Variants in PSPC1 observed in about 807,000 individuals in gnomAD.
The protein encoded by PSPC1 is paraspeckle protein 1.
A neutral mutation model predicts 51.6 loss-of-function variants in PSPC1; 14 were observed. That is an observed-to-expected ratio of 0.27 (90% CI 0.18 to 0.42). The LOEUF (loss-of-function observed/expected upper bound fraction) is 0.42. Among genes scored for constraint, PSPC1 ranks in the 10% least tolerant of loss-of-function variants. The probability of loss-of-function intolerance (pLI) is 1.00; values close to 1 mark genes in which losing one functional copy is unlikely to be tolerated. For missense variants in PSPC1, 406 were observed against 701.1 expected, an observed-to-expected ratio of 0.58 and a Z score of 4.75; for synonymous variants, 193 against 231.9, an observed-to-expected ratio of 0.83 and a Z score of 1.53.
rs148592977 is a variant in PSPC1 at position 19,739,110 on chromosome 13, T to C, written c.1052+2455A>G. On this transcript the variant is annotated intron_variant, in intron 5 of 8. Transcript: ENST00000338910. ...AGAACTACTAGCCCATATGCCTAACTAGCTTACAGAATTTATGTATGGTTC... is the reference window on the plus strand; with the variant it reads ...AGAACTACTAGCCCATATGCCTAACCAGCTTACAGAATTTATGTATGGTTC... 8.6e-3 allele frequency among the ~76,000 whole-genome samples: 1,316 copies of C among 152,268 alleles called. 23 individuals carry two copies. The highest frequency in any genetic ancestry group is 0.03 in the African/African-American group (1,259 of 41,548).
downstream of PSPC1, among the ~76,000 whole-genome samples, chr13:19,701,059 T>C (rs1879847656): frequency 6.6e-6 from 1 of 152,272 alleles, no homozygotes; most frequent in African/African-American, 2.4e-5. Context: ...GAACAAGGAT[T>C]TTCTTGATGC....
At chr13:19,732,556 T>G (rs2137949455) in intron 5 of PSPC1, among the ~76,000 whole-genome samples, 1 of 152,236 alleles carries the variant, frequency 6.6e-6, no homozygotes, top group Non-Finnish European at 1.5e-5. Flanking sequence ...GTAATAAAGG[T>G]TTCACATAAC....
chr13:19,722,530 A>G (rs1208669451), intron 6 of PSPC1, among the ~76,000 whole-genome samples: 3 of 152,036 alleles, frequency 2.0e-5, no homozygotes, highest in Non-Finnish European at 4.4e-5. Flanking sequence ...GTAGTGGCTC[A>G]CTCCTGTAAT....
At chr13:19,775,110 G>A (rs921785986) in intron 1 of PSPC1, among the ~76,000 whole-genome samples, 12 of 151,942 alleles carry the variant, frequency 7.9e-5, no homozygotes, top group South Asian at 2.1e-4. Context: ...AGGCCGAGGC[G>A]GGCAGATCAC....
At chr13:19,739,179 G>C (rs1014298895) in intron 5 of PSPC1, among the ~76,000 whole-genome samples, 2 of 152,096 alleles carry the variant, frequency 1.3e-5, no homozygotes, top group Non-Finnish European at 2.9e-5. Flanking sequence ...CTATTTTCCA[G>C]TTATTTAGGT....
chr13:19,782,734 C>T lies in PSPC1; in HGVS notation c.24G>A (p.Lys8=), dbSNP rs201078962. The change falls in exon 1 of 9, where the codon AAG becomes AAA. Residue 8 remains lysine (K), a synonymous_variant. Coordinates refer to ENST00000338910, the MANE Select transcript of PSPC1 (RefSeq NM_001354909.2). This position sits in a 1 kb window ranked among gnomAD's most constrained non-coding sequence, Gnocchi z 4.5. The part of the protein sequence containing the change: MMLRGNL[K]QVRIEKNPAR... ...CCGGGTTTTTCTCAATGCGCACTTG[C>T]TTCAGGTTTCCTCTTAACATCATCT... 1.5e-4 allele frequency: 228 copies of T among 1,566,686 alleles called. 1 individual carries two copies. In the Middle Eastern group the frequency reaches 0.011, roughly 76 times the overall value.
chr13:19,733,503 G>A (rs1427154720), intron 5 of PSPC1, among the ~76,000 whole-genome samples: 2 of 152,086 alleles, frequency 1.3e-5, no homozygotes, highest in African/African-American at 4.8e-5. Context: ...ACTCATGTCT[G>A]TAATCCTAGC....
At chr13:19,711,335 C>T (rs1593590323) in intron 6 of PSPC1, among the ~76,000 whole-genome samples, 1 of 151,914 alleles carries the variant, frequency 6.6e-6, no homozygotes, top group Non-Finnish European at 1.5e-5. Flanking sequence ...GCCTGGCAAA[C>T]ATGGTGAAAC....
chr13:19,754,453 C>CTT (rs67371116), intron 3 of PSPC1, among the ~76,000 whole-genome samples: 7 of 122,552 alleles, frequency 5.7e-5, no homozygotes, highest in African/African-American at 1.4e-4. Flanking sequence ...TAACTAACTC[C>CTT]TTTTTTTTTT....
chr13:19,725,986 CA>C, intron 6 of PSPC1, among the ~76,000 whole-genome samples: 1 of 152,022 alleles, frequency 6.6e-6, no homozygotes, highest in East Asian at 1.9e-4. Context: ...GAGACCCAAT[CA>C]AAAGAAAGAA....
chr13:19,685,067 T>A (rs1877713790), intron 6 of PSPC1, among the ~76,000 whole-genome samples: 2 of 152,184 alleles, frequency 1.3e-5, no homozygotes, highest in Non-Finnish European at 1.5e-5. Flanking sequence ...ATAGACCAGG[T>A]TAATAGGTAA....
rs148915387 is a variant in PSPC1, at chr13:19,741,653, T to C, written c.968-4A>G. 2.4e-5 allele frequency: 38 copies of C among 1,559,024 alleles called. No individual in the cohort carries two copies. The East Asian group carries it at 7.7e-4, about 31-fold the overall frequency. ...TCTTCTTGACGCCTCATTAGATCTA[T>C]AAAATAATGACTGCACATTAATATT... is the stretch of plus-strand genomic sequence containing the variant. On this transcript the variant is annotated splice_region_variant and splice_polypyrimidine_tract_variant and intron_variant, in intron 4 of 8. Coordinates refer to ENST00000338910, the MANE Select transcript of PSPC1 (RefSeq NM_001354909.2).
chr13:19,674,076 T>C (rs1876342300), downstream of PSPC1, among the ~76,000 whole-genome samples: 1 of 152,220 alleles, frequency 6.6e-6, no homozygotes, highest in South Asian at 2.1e-4. Flanking sequence ...TCACCACAGA[T>C]GGGATGCATG....
At chr13:19,678,125 T>C in intron 6 of PSPC1, 1 of 282,530 alleles carries the variant, frequency 3.5e-6, no homozygotes, top group East Asian at 1.1e-4. Flanking sequence ...ATTAAGAATT[T>C]AATTGGCTAA....
At position 19,768,057 on chromosome 13, in the gene PSPC1, T is replaced by TA. The variant is rs1303234530; in HGVS notation, c.674+4184dup. 5.3e-5 allele frequency among the ~76,000 whole-genome samples: 8 copies of TA among 150,412 alleles called. No individual in the cohort carries two copies. In the South Asian group the frequency reaches 1.1e-3, roughly 20 times the overall value. On this transcript the variant is annotated intron_variant, in intron 2 of 8. Transcript: ENST00000338910. Reference sequence around the variant, plus strand: ...ACATAGCAAGACCTCATATCTACTTTAAAAAAAAATTCAAAAAATTAGCCA... The same window carrying TA: ...ACATAGCAAGACCTCATATCTACTTTAAAAAAAAAATTCAAAAAATTAGCCA...
At chr13:19,710,324 G>C (rs988336728) in intron 6 of PSPC1, among the ~76,000 whole-genome samples, 3 of 152,184 alleles carry the variant, frequency 2.0e-5, no homozygotes, top group African/African-American at 4.8e-5. Flanking sequence ...CCTAAAAGCT[G>C]TTCATTTACC....
intron 6 of PSPC1, among the ~76,000 whole-genome samples, chr13:19,696,118 C>A (rs1879196164): frequency 6.6e-6 from 1 of 151,970 alleles, no homozygotes; most frequent in African/African-American, 2.4e-5. Context: ...AAACCAAACC[C>A]ATTTATGTTC....
At chr13:19,738,630 G>GGTTTAGAGAATGACAA (rs1369193079) in intron 5 of PSPC1, among the ~76,000 whole-genome samples, 1 of 152,134 alleles carries the variant, frequency 6.6e-6, no homozygotes, top group Admixed American at 6.6e-5. Context: ...CAAGTTAGCC[G>GGTTTAGAGAATGACAA]GGTGCAGTGG....
chr13:19,677,393 AT>A (rs1876785388), intron 7 of PSPC1, among the ~76,000 whole-genome samples: 1 of 151,806 alleles, frequency 6.6e-6, no homozygotes, highest in Admixed American at 6.6e-5. Context: ...CCTCTTAGTC[AT>A]TTCCCCTCTT....
Sources: allele counts gnomAD v4.1 joint callset (sites outside exome capture counted in the v4.1 genomes callset), GRCh38; gene constraint gnomAD v4.1.1; non-coding constraint Gnocchi (gnomAD v3.1); transcripts MANE v1.5; gene names NCBI Gene and HGNC (gene_info 2026-07-23, HGNC 2026-07-21).